The following TULP4 variants were observed in gnomAD, a reference collection of about 807,000 sequenced individuals.
TULP4 encodes the protein tubby-related protein 4.
TULP4 carries 16 observed loss-of-function variants against 129.0 expected under a neutral mutation model. That is an observed-to-expected ratio of 0.12 (90% CI 0.08 to 0.19). The LOEUF is 0.19. Ranked by LOEUF, TULP4 falls within the 10% of genes least tolerant of loss-of-function variation. The pLI is 1.00. For synonymous variants in TULP4, 998 were observed against 854.0 expected, an observed-to-expected ratio of 1.17 and a Z score of -2.94; for missense variants, 1,842 against 2,059.1, an observed-to-expected ratio of 0.89 and a Z score of 2.04.
chr6:158,468,699 C>T (rs1035041003), intron 6 of TULP4, among the ~76,000 whole-genome samples: 2 of 152,136 alleles, frequency 1.3e-5, no homozygotes, highest in Non-Finnish European at 2.9e-5. Context: ...TAAGAAAATA[C>T]CTTAGACTGG....
At chr6:158,423,233 G>C (rs1407743085) in intron 2 of TULP4, among the ~76,000 whole-genome samples, 2 of 152,056 alleles carry the variant, frequency 1.3e-5, no homozygotes. Context: ...AGTCTTTGCA[G>C]CCTGGGGCTA....
At chr6:158,235,617 G>C (rs1303743815) in intron 1 of TULP4, among the ~76,000 whole-genome samples, 22 of 152,148 alleles carry the variant, frequency 1.4e-4, no homozygotes, top group Admixed American at 1.4e-3. Context: ...CGAAGTGCTT[G>C]GTTTACAGGC....
intron 1 of TULP4, among the ~76,000 whole-genome samples, chr6:158,234,865 A>G (rs1383081217): frequency 6.6e-6 from 1 of 152,212 alleles, no homozygotes; most frequent in African/African-American, 2.4e-5. Flanking sequence ...AAATGTACAT[A>G]CCATAAAATT....
chr6:158,286,747 C>T (rs1041948527), intron 1 of TULP4, among the ~76,000 whole-genome samples: 2 of 152,142 alleles, frequency 1.3e-5, no homozygotes, highest in African/African-American at 2.4e-5. Flanking sequence ...GGTTTATTGC[C>T]ATCCAAGACT....
chr6:158,378,884 A>C (rs1777262896), intron 1 of TULP4, among the ~76,000 whole-genome samples: 1 of 152,190 alleles, frequency 6.6e-6, no homozygotes, highest in Non-Finnish European at 1.5e-5. Flanking sequence ...TATTTAATTG[A>C]AAATTTGGAC....
intron 1 of TULP4, among the ~76,000 whole-genome samples, chr6:158,348,423 C>T (rs1046059724): frequency 2.0e-5 from 3 of 152,000 alleles, no homozygotes; most frequent in Non-Finnish European, 4.4e-5. Context: ...CAAAGCACAT[C>T]TTGCACCGCC....
At chr6:158,460,434 C>T (rs943205887) in intron 5 of TULP4, among the ~76,000 whole-genome samples, 2 of 146,764 alleles carry the variant, frequency 1.4e-5, no homozygotes, top group Non-Finnish European at 1.5e-5. Flanking sequence ...AACCAGATTA[C>T]GATTTTAGGG....
rs908713283 is a variant in TULP4 at position 158,250,431 on chromosome 6, C to T, written n.68+18128C>T. Among the ~76,000 whole-genome samples, 11 of 152,290 alleles carry T rather than the reference C, an allele frequency of 7.2e-5. No individual in the cohort carries two copies. The East Asian group carries it at 1.3e-3, about 19-fold the overall frequency. Reference sequence around the variant, plus strand: ...TTGGCCTCCCAAAGTGCTGGGATTACAGGCATGAGCCACTATACCTGGCGC... The same window carrying T: ...TTGGCCTCCCAAAGTGCTGGGATTATAGGCATGAGCCACTATACCTGGCGC... On this transcript the variant is annotated intron_variant and non_coding_transcript_variant, in intron 1 of 1. Coordinates refer to the TULP4 transcript ENST00000620026.
chr6:158,475,192 C>A (rs1427571851), intron 6 of TULP4, among the ~76,000 whole-genome samples: 1 of 152,226 alleles, frequency 6.6e-6, no homozygotes, highest in Non-Finnish European at 1.5e-5. Flanking sequence ...CGCATCTTTT[C>A]CTTTCCGGGG....
intron 5 of TULP4, 102 bp downstream of exon 5, chr6:158,452,370 G>A: frequency 6.9e-7 from 1 of 1,459,522 alleles, no homozygotes; most frequent in Admixed American, 2.3e-5. Flanking sequence ...CCTGTCCTCT[G>A]TGGTGACACC....
At chr6:158,405,397 G>T (rs1365248226) in intron 1 of TULP4, among the ~76,000 whole-genome samples, 1 of 152,132 alleles carries the variant, frequency 6.6e-6, no homozygotes, top group Non-Finnish European at 1.5e-5. Flanking sequence ...CTAGTGTGTA[G>T]AGGCTGCGAA....
chr6:158,438,674 T>C (rs758721013), intron 3 of TULP4, among the ~76,000 whole-genome samples: 10 of 152,062 alleles, frequency 6.6e-5, no homozygotes, highest in African/African-American at 9.7e-5. Context: ...AACCTCCATC[T>C]CCTGGGTTCA....
chr6:158,283,481 G>C (rs184871652), intron 1 of TULP4, among the ~76,000 whole-genome samples: 2 of 152,206 alleles, frequency 1.3e-5, no homozygotes, highest in Non-Finnish European at 1.5e-5. Context: ...AGCAGGCAGA[G>C]CACAGCGTCC....
rs1388649023 is a variant in TULP4 at position 158,331,720 on chromosome 6, C to CGTGTATAT, written c.252+17452_252+17453insGTGTATAT. ...ACACACACACACACACACACACACA[C>CGTGTATAT]ACACACACATACGTATATATATACG... On this transcript the variant is annotated intron_variant, in intron 1 of 13. Coordinates refer to ENST00000367097, the MANE Select transcript of TULP4 (RefSeq NM_020245.5). Among the ~76,000 whole-genome samples the CGTGTATAT allele has an allele frequency of 5.2e-4, 25 of 48,180 alleles. 1 individual carries two copies. The highest frequency in any genetic ancestry group is 1.7e-3 in the South Asian group (2 of 1,192). The allele number at this position is 48,180 out of a possible 152,430, so 31.6% of individuals were successfully genotyped here.
At chr6:158,494,891 C>T in intron 11 of TULP4, 45 bp downstream of exon 11, 2 of 1,535,940 alleles carry the variant, frequency 1.3e-6, no homozygotes, top group Non-Finnish European at 1.8e-6. Flanking sequence ...TTGGAACAAA[C>T]TAAAACGTCC....
chr6:158,441,299 G>A (rs1778892471), intron 3 of TULP4, among the ~76,000 whole-genome samples: 1 of 152,170 alleles, frequency 6.6e-6, no homozygotes, highest in Admixed American at 6.5e-5. Flanking sequence ...GGTGACAAGA[G>A]TGAAACTCTA....
chr6:158,380,486 C>T (rs1300194954), intron 1 of TULP4, among the ~76,000 whole-genome samples: 1 of 152,088 alleles, frequency 6.6e-6, no homozygotes, highest in Non-Finnish European at 1.5e-5. Flanking sequence ...AAGGGCAGGG[C>T]AATGTGGTAA....
At chr6:158,375,209 C>T (rs146242278) in intron 1 of TULP4, among the ~76,000 whole-genome samples, 1,604 of 152,306 alleles carry the variant, frequency 0.011, 33 homozygotes, top group African/African-American at 0.035. Flanking sequence ...CACCATGGCA[C>T]TCCAGCCTGG....
intron 3 of TULP4, among the ~76,000 whole-genome samples, chr6:158,444,785 T>C (rs1778994730): frequency 6.6e-6 from 1 of 152,162 alleles, no homozygotes. Context: ...AATAAAGAGA[T>C]TATATGTGGA....
Sources: allele counts gnomAD v4.1 joint callset (sites outside exome capture counted in the v4.1 genomes callset), GRCh38; gene constraint gnomAD v4.1.1; transcripts MANE v1.5; gene names NCBI Gene and HGNC (gene_info 2026-07-23, HGNC 2026-07-21).